The following EHBP1L1 variants were observed in gnomAD, a reference collection of about 807,000 sequenced individuals.
The protein encoded by EHBP1L1 is EH domain binding protein 1 like 1, also known as EH domain-binding protein 1-like protein 1.
EHBP1L1 carries 122 observed loss-of-function variants against 151.1 expected under a neutral mutation model. The observed-to-expected ratio is 0.81, with a 90% CI of 0.70 to 0.94. The LOEUF (loss-of-function observed/expected upper bound fraction) is 0.94, where lower values mean the gene tolerates loss of function less well. EHBP1L1 is among the 40% of genes least tolerant of loss of function. The pLI is 0.00. For missense variants in EHBP1L1, 1,941 were observed against 1,959.8 expected (o/e 0.99, Z 0.18); for synonymous variants, 878 against 810.1 (o/e 1.08, Z -1.42).
chr11:65,591,560 G>A, intron 16 of EHBP1L1: 1 of 595,256 alleles, frequency 1.7e-6, no homozygotes, highest in South Asian at 2.0e-5. Flanking sequence ...AATCCTTCGG[G>A]GGTCCTTCTG....
chr11:65,583,858 A>C, intron 9 of EHBP1L1, 93 bp downstream of exon 9: 1 of 1,412,706 alleles, frequency 7.1e-7, no homozygotes, highest in Non-Finnish European at 9.2e-7. Flanking sequence ...ACCTGGTGGA[A>C]TGGGATCGGG....
At position 65,583,259 on chromosome 11, in the gene EHBP1L1, G is replaced by A; in HGVS notation, c.2587G>A (p.Val863Ile). 6.2e-7 allele frequency: 1 copy of A among 1,613,566 alleles called. No homozygotes were observed. The highest frequency in any genetic ancestry group is 8.5e-7 in the Non-Finnish European group (1 of 1,179,814). Residue 863 changes from valine to isoleucine, a missense_variant, in exon 9 of 19, where the codon GTA becomes ATA. Transcript: ENST00000309295. ...CGAGGCTGGAATGGCAGAGGCCCGAGTACTGATGACCCGTAAGACAGAAAT... is the reference window on the plus strand; with the variant it reads ...CGAGGCTGGAATGGCAGAGGCCCGAATACTGATGACCCGTAAGACAGAAAT... ...GPEAGMAEAR[V>I]LMTRKTEIIV...
intron 16 of EHBP1L1, chr11:65,591,386 C>T (rs1295358424): frequency 1.4e-5 from 4 of 285,592 alleles, no homozygotes; most frequent in African/African-American, 2.3e-5. Flanking sequence ...AACAGAAGCC[C>T]AGAGAGATCT....
chr11:65,576,384 G>A lies in EHBP1L1; in HGVS notation c.82G>A (p.Val28Met). ...FQFVACYHEL[V>M]LECTKKWQPD... ...GTTCGTGGCCTGTTACCACGAGCTA[G>A]TGTTGGAGTGCACCAAGAAATGGTG... Residue 28 changes from valine to methionine, a missense_variant, in exon 1 of 19, where the codon GTG becomes ATG. Val to Met is a conservative substitution (Grantham distance 21, BLOSUM62 1). Coordinates refer to ENST00000309295, the MANE Select transcript of EHBP1L1 (RefSeq NM_001099409.3). 6.3e-7 allele frequency: 1 copy of A among 1,590,786 alleles called. No individual in the cohort carries two copies. Among genetic ancestry groups the A allele is most frequent in the Non-Finnish European group, 8.6e-7 (1 of 1,169,020 alleles).
At chr11:65,581,487 G>A in intron 8 of EHBP1L1, 52 bp from the exon 9 acceptor site, 1 of 1,422,972 alleles carries the variant, frequency 7.0e-7, no homozygotes, top group Non-Finnish European at 9.4e-7. Context: ...GGATGGTGCT[G>A]AGAGTTGGGG....
In EHBP1L1 at chr11:65,582,763, G is replaced by T; in HGVS notation, c.2091G>T (p.Glu697Asp). The change falls in exon 9 of 19, where the codon GAG becomes GAT. Residue 697 changes from glutamate (E) to aspartate (D), a missense_variant. Coordinates refer to ENST00000309295, the MANE Select transcript of EHBP1L1 (RefSeq NM_001099409.3). ...PLKIEDTIQS[E>D]MLGTQETEVE... ...AGATAGAAGATACAATACAGTCTGAGATGCTGGGGACCCAGGAGACAGAGG... is the reference window on the plus strand; with the variant it reads ...AGATAGAAGATACAATACAGTCTGATATGCTGGGGACCCAGGAGACAGAGG... 1.9e-6 allele frequency: 3 copies of T among 1,613,674 alleles called. No individual in the cohort carries two copies. The highest frequency in any genetic ancestry group is 2.5e-6 in the Non-Finnish European group (3 of 1,179,852).
In EHBP1L1 at chr11:65,592,409, C is replaced by T; in HGVS notation, c.*107C>T. The T allele has an allele frequency of 1.2e-6, 1 of 816,532 alleles. No individual in the cohort carries two copies. The highest frequency in any genetic ancestry group is 1.5e-6 in the Non-Finnish European group (1 of 654,066). The allele number at this position is 816,532 out of a possible 1,614,324, so 50.6% of individuals were successfully genotyped here. The stretch of plus-strand genomic sequence containing the variant: ...CCGTCCCGGAGGCCGCGCGCGTGTC[C>T]GCTAGGGGCCGCCGGCGCCCTTCCC... On this transcript the variant is annotated 3_prime_UTR_variant, in exon 19 of 19. Coordinates refer to ENST00000309295, the MANE Select transcript of EHBP1L1 (RefSeq NM_001099409.3).
In EHBP1L1 at chr11:65,589,937, T is replaced by C; in HGVS notation, c.4005T>C (p.Gly1335=). The C allele has an allele frequency of 4.5e-6, 7 of 1,563,122 alleles. No homozygotes were observed. Among genetic ancestry groups the C allele is most frequent in the South Asian group, 1.2e-5 (1 of 84,592 alleles). The part of the protein sequence containing the change: ...PTAADSQQPP[G]GSSPSEEPPP... ...CCTTATCATCATCTCTGTCTGCAGG[T>C]GGGAGTTCCCCCTCGGAGGAACCAC... The change falls in exon 14 of 19, where the codon GGT becomes GGC. Residue 1335 remains glycine, a splice_region_variant and synonymous_variant. Transcript: ENST00000309295.
rs1294501812 is a variant in EHBP1L1 at position 65,589,215 on chromosome 11, G to A, written c.3934-536G>A. On this transcript the variant is annotated intron_variant, in intron 12 of 18. Transcript: ENST00000309295. ...AGGTCAGGAGTTCGAGACCAGCCTG[G>A]CCAACATGGTGAAACCCCGTCTCTA... 2.6e-5 allele frequency among the ~76,000 whole-genome samples: 4 copies of A among 152,182 alleles called. No homozygotes were observed. The South Asian group carries it at 8.3e-4, about 32-fold the overall frequency.
In EHBP1L1 at chr11:65,591,787, C is replaced by CCCCCCCCCCCCCCCCGGGGGGG; in HGVS notation, c.4284-13_4284-12insCCCCCCCCCCCCCCCGGGGGGG. On this transcript the variant is annotated splice_polypyrimidine_tract_variant and intron_variant, in intron 16 of 18. Transcript: ENST00000309295. ...TGCCACCCCCCCGCCACCCACCCCC[C>CCCCCCCCCCCCCCCCGGGGGGG]GCCACCTTCCAGCATGGAGGAGCAG... 6.5e-7 allele frequency: 1 copy of CCCCCCCCCCCCCCCCGGGGGGG among 1,535,214 alleles called. No homozygotes were observed. The highest frequency in any genetic ancestry group is 8.8e-7 in the Non-Finnish European group (1 of 1,136,202).
In EHBP1L1 at chr11:65,583,750, G is replaced by T. The variant is rs1267101122; in HGVS notation, c.3078G>T (p.Arg1026Ser). 4 of 1,496,640 alleles carry T rather than the reference G, an allele frequency of 2.7e-6. No individual in the cohort carries two copies. The African/African-American group carries it at 5.6e-5, about 21-fold the overall frequency. 92.7% of individuals were successfully genotyped at this position (1,496,640 alleles called of 1,614,324 possible). ...CAGAGAAGGCTGAAGAGGACAGGAG[G>T]CTGCCGGGCAGCCAGGTAGGGATGG... ...SSPEKAEEDR[R>S]LPGSQAPPAL... is the part of the protein sequence containing the mutation. Residue 1026 changes from arginine to serine, a missense_variant, in exon 9 of 19, where the codon AGG (arginine) becomes AGT (serine). Arg to Ser is a moderately radical substitution (Grantham distance 110). Transcript: ENST00000309295.
At position 65,591,843 on chromosome 11, in the gene EHBP1L1, C is replaced by T. The variant is rs938091708; in HGVS notation, c.4327C>T (p.Arg1443Cys). 2.6e-6 allele frequency: 4 copies of T among 1,553,942 alleles called. No individual in the cohort carries two copies. The highest frequency in any genetic ancestry group is 1.9e-5 in the Admixed American group (1 of 51,352). The change falls in exon 17 of 19, where the codon CGC becomes TGC. Residue 1443 changes from arginine to cysteine, a missense_variant. Arg to Cys is a radical substitution (Grantham distance 180). Transcript: ENST00000309295. ...GGAGCGAAGGTTCGAGCTGCTGAGC[C>T]GCGAGCTGCGGGCCATGCTGGCCAT... ...DLERRFELLS[R>C]ELRAMLAIED...
rs751402784 is a variant in EHBP1L1 at position 65,581,973 on chromosome 11, A to G, written c.1301A>G (p.His434Arg). The G allele has an allele frequency of 6.2e-7, 1 of 1,613,090 alleles. No homozygotes were observed. The highest frequency in any genetic ancestry group is 8.5e-7 in the Non-Finnish European group (1 of 1,179,346). Residue 434 changes from histidine (H) to arginine (R), a missense_variant, in exon 9 of 19, where the codon CAT (histidine) becomes CGT (arginine). Physicochemically the swap from His to Arg is conservative, Grantham distance 29. Coordinates refer to ENST00000309295, the MANE Select transcript of EHBP1L1 (RefSeq NM_001099409.3). Reference protein sequence around the residue: ...VDAEQRSKVRHVDTKGPEATG... With the variant: ...VDAEQRSKVRRVDTKGPEATG... ...GCTGAGCAGAGGTCAAAGGTGAGAC[A>G]TGTGGACACTAAGGGACCAGAGGCG...
At position 65,583,252 on chromosome 11, in the gene EHBP1L1, G is replaced by A. The variant is rs1187005116; in HGVS notation, c.2580G>A (p.Glu860=). The change falls in exon 9 of 19, where the codon GAG becomes GAA. Residue 860 remains glutamate (E), a synonymous_variant. Coordinates refer to ENST00000309295, the MANE Select transcript of EHBP1L1 (RefSeq NM_001099409.3). ...GISGPEAGMA[E]ARVLMTRKTE... is the part of the protein sequence containing the mutation. The stretch of plus-strand genomic sequence containing the variant: ...CAGGGCCCGAGGCTGGAATGGCAGA[G>A]GCCCGAGTACTGATGACCCGTAAGA... 5.6e-6 allele frequency: 9 copies of A among 1,613,390 alleles called. No individual in the cohort carries two copies. The Admixed American group carries it at 1.5e-4, about 27-fold the overall frequency.
chr11:65,589,661 T>A, intron 12 of EHBP1L1, 90 bp from the exon 13 acceptor site: 2 of 1,442,436 alleles, frequency 1.4e-6, no homozygotes, highest in Non-Finnish European at 1.8e-6. Context: ...CAAGGACCCC[T>A]CCTCCCCTCT....
At chr11:65,580,928 GC>G (rs1445740053) in intron 6 of EHBP1L1, 129 bp from the exon 7 acceptor site, 1 of 1,447,236 alleles carries the variant, frequency 6.9e-7, no homozygotes, top group South Asian at 1.5e-5. Context: ...CTTCTCGCAG[GC>G]CGGGGCGGTG....
At chr11:65,576,430 G>A in intron 1 of EHBP1L1, 24 bp downstream of exon 1, 1 of 1,540,016 alleles carries the variant, frequency 6.5e-7, no homozygotes, top group Non-Finnish European at 8.8e-7. Flanking sequence ...AGGCGGGGGG[G>A]CTCCCCCGAA....
intron 1 of EHBP1L1, 54 bp from the exon 2 acceptor site, chr11:65,579,024 T>G (rs1590812445): frequency 7.2e-6 from 11 of 1,520,548 alleles, no homozygotes; most frequent in African/African-American, 1.4e-5. Flanking sequence ...GGGAGGCAGG[T>G]GAGCCTGACC....
Position 65,584,727 on chromosome 11 carries a change from C to G in EHBP1L1, c.3300+193C>G, listed in dbSNP as rs981245226. ...GTTTGTTTTAAAGCGTTTTTCCTCC[C>G]TTAGATGGTTTTTCCAAAACCACCC... On this transcript the variant is annotated intron_variant, in intron 11 of 18. Coordinates refer to ENST00000309295, the MANE Select transcript of EHBP1L1 (RefSeq NM_001099409.3). The G allele has an allele frequency of 5.9e-6, 6 of 1,024,862 alleles. No individual in the cohort carries two copies. The African/African-American group carries it at 8.1e-5, about 14-fold the overall frequency. The allele number at this position is 1,024,862 out of a possible 1,614,324, so 63.5% of individuals were successfully genotyped here.
Sources: allele counts gnomAD v4.1 joint callset (sites outside exome capture counted in the v4.1 genomes callset), GRCh38; gene constraint gnomAD v4.1.1; transcripts MANE v1.5; gene names NCBI Gene and HGNC (gene_info 2026-07-23, HGNC 2026-07-21).